The following ROBO2 variants were observed in gnomAD, a reference collection of about 807,000 sequenced individuals.
ROBO2 encodes the protein roundabout homolog 2.
Under a neutral mutation model 160.8 loss-of-function variants are expected in ROBO2, and 53 were observed. The observed-to-expected ratio is 0.33, with a 90% confidence interval of 0.26 to 0.41. The LOEUF (loss-of-function observed/expected upper bound fraction) is 0.41, where lower values mean the gene tolerates loss of function less well. Among genes scored for constraint, ROBO2 ranks in the 10% least tolerant of loss-of-function variants. The probability of loss-of-function intolerance (pLI) is 1.00; values close to 1 mark genes in which losing one functional copy is unlikely to be tolerated. For synonymous variants in ROBO2, 664 were observed against 611.7 expected (o/e 1.09, Z -1.26); for missense variants, 1,577 against 1,722.4 (o/e 0.92, Z 1.49).
intron 2 of ROBO2, among the ~76,000 whole-genome samples, chr3:76,891,092 T>C (rs992482083): frequency 2.4e-4 from 36 of 152,332 alleles, no homozygotes; most frequent in African/African-American, 6.3e-4. Flanking sequence ...TTTTTGTTCA[T>C]TAATATACTT....
At chr3:76,389,300 ATCC>A (rs2077037933) in intron 2 of ROBO2, among the ~76,000 whole-genome samples, 1 of 152,248 alleles carries the variant, frequency 6.6e-6, no homozygotes, top group African/African-American at 2.4e-5. Context: ...CAGAAAAGTT[ATCC>A]ACTATCACAC....
intron 2 of ROBO2, among the ~76,000 whole-genome samples, chr3:76,903,600 T>G (rs907977102): frequency 6.6e-6 from 1 of 152,148 alleles, no homozygotes; most frequent in African/African-American, 2.4e-5. Context: ...GGCTTTTCTC[T>G]CCTTCCTCTC....
At chr3:76,258,094 A>G (rs1706517549) in intron 2 of ROBO2, among the ~76,000 whole-genome samples, 1 of 151,998 alleles carries the variant, frequency 6.6e-6, no homozygotes, top group South Asian at 2.1e-4. Context: ...TTATCCTAAC[A>G]TACAACTACA....
At chr3:77,087,465 T>G (rs1185243781) in intron 1 of ROBO2, among the ~76,000 whole-genome samples, 1 of 152,170 alleles carries the variant, frequency 6.6e-6, no homozygotes, top group Non-Finnish European at 1.5e-5. Flanking sequence ...TAAATCACAC[T>G]TTAAAGAATA....
chr3:76,701,246 T>C (rs2093039420), intron 2 of ROBO2, among the ~76,000 whole-genome samples: 1 of 152,264 alleles, frequency 6.6e-6, no homozygotes, highest in Non-Finnish European at 1.5e-5. Flanking sequence ...ATTTTAATTG[T>C]TCCATTTAGT....
intron 2 of ROBO2, among the ~76,000 whole-genome samples, chr3:76,525,466 G>A (rs1050234305): frequency 1.3e-5 from 2 of 151,878 alleles, no homozygotes; most frequent in Non-Finnish European, 2.9e-5. Context: ...AGGCAAGAAC[G>A]TAAGCATTGT....
At chr3:77,022,013 G>A (rs1690684087) in intron 2 of ROBO2, among the ~76,000 whole-genome samples, 1 of 152,138 alleles carries the variant, frequency 6.6e-6, no homozygotes, top group South Asian at 2.1e-4. Flanking sequence ...GGCAGAAGTG[G>A]GAGGATTGTT....
chr3:76,996,190 A>T (rs1027618276), intron 2 of ROBO2, among the ~76,000 whole-genome samples: 1 of 152,104 alleles, frequency 6.6e-6, no homozygotes, highest in Non-Finnish European at 1.5e-5. Flanking sequence ...TTTTCCCAGC[A>T]CCATTTATTA....
intron 2 of ROBO2, among the ~76,000 whole-genome samples, chr3:76,968,770 A>C (rs573903551): frequency 6.6e-6 from 1 of 152,276 alleles, no homozygotes; most frequent in Admixed American, 6.5e-5. Flanking sequence ...CTCATCAATG[A>C]TTGATGGATA....
At chr3:76,030,831 G>A (rs890295892) in intron 2 of ROBO2, among the ~76,000 whole-genome samples, 1 of 152,100 alleles carries the variant, frequency 6.6e-6, no homozygotes, top group African/African-American at 2.4e-5. Context: ...TTTTGCTTAG[G>A]ATTGTCTTGG....
chr3:76,878,640 G>A (rs760744234), intron 2 of ROBO2, among the ~76,000 whole-genome samples: 34 of 152,162 alleles, frequency 2.2e-4, no homozygotes, highest in Non-Finnish European at 4.0e-4. Flanking sequence ...CCAACTAGCC[G>A]TATTTTCTTT....
At chr3:75,966,996 A>ATG (rs148962233) in intron 2 of ROBO2, among the ~76,000 whole-genome samples, 8 of 150,996 alleles carry the variant, frequency 5.3e-5, no homozygotes, top group African/African-American at 7.3e-5. Flanking sequence ...GATTTCCACA[A>ATG]TGTGTGTGTG....
At chr3:76,873,349 A>G (rs1427406508) in intron 2 of ROBO2, among the ~76,000 whole-genome samples, 1 of 152,210 alleles carries the variant, frequency 6.6e-6, no homozygotes, top group Non-Finnish European at 1.5e-5. Flanking sequence ...CAGAATCTAT[A>G]CACATTCCTA....
At chr3:77,126,783 T>C (rs925591963) in intron 2 of ROBO2, among the ~76,000 whole-genome samples, 447 of 41,612 alleles carry the variant, frequency 0.011, 7 homozygotes, top group African/African-American at 0.043. Flanking sequence ...TTGAAACTTC[T>C]TTTTTTTTTT....
rs773754732 is a variant in ROBO2 at position 77,644,720 on chromosome 3, C to T, written c.3951C>T (p.Pro1317=). ...CTTTTTCAGAGGAGGCCTTGGTGCC[C>T]TATAGCAAGCCCAGTTTCCCATCTC... Residue 1317 remains proline (P), a synonymous_variant, in exon 25 of 26, where the codon CCC becomes CCT. Coordinates refer to ENST00000461745, the Ensembl canonical transcript of ROBO2. 4 of 1,613,956 alleles carry T rather than the reference C, an allele frequency of 2.5e-6. No homozygotes were observed. The East Asian group carries it at 6.7e-5, about 27-fold the overall frequency.
At chr3:76,058,565 T>C (rs1036666159) in intron 2 of ROBO2, among the ~76,000 whole-genome samples, 14 of 145,754 alleles carry the variant, frequency 9.6e-5, no homozygotes, top group African/African-American at 3.3e-4. Flanking sequence ...GCACATGAAC[T>C]ATCACACGTC....
At chr3:76,017,709 A>G (rs1559836899) in intron 2 of ROBO2, among the ~76,000 whole-genome samples, 1 of 152,222 alleles carries the variant, frequency 6.6e-6, no homozygotes, top group East Asian at 1.9e-4. Flanking sequence ...TCAATGTCAT[A>G]GCAATCTAAT....
intron 2 of ROBO2, among the ~76,000 whole-genome samples, chr3:76,622,265 A>G (rs552699770): frequency 2.8e-3 from 182 of 65,960 alleles, no homozygotes; most frequent in East Asian, 7.8e-3. Flanking sequence ...AAAGAAAGAA[A>G]GAAAGAAAGA....
chr3:76,256,263 T>C (rs907258469), intron 2 of ROBO2, among the ~76,000 whole-genome samples: 1 of 145,434 alleles, frequency 6.9e-6, no homozygotes, highest in African/African-American at 2.5e-5. Context: ...TGAGCTGTGA[T>C]TGTGCCACTG....
Sources: gnomAD v4.1 joint callset for allele counts (sites outside exome capture counted in the v4.1 genomes callset) on GRCh38, gnomAD v4.1.1 for gene constraint, MANE v1.5 for transcripts, NCBI Gene and HGNC (gene_info 2026-07-23, HGNC 2026-07-21) for gene names.